C16orf96: variants seen among roughly 807,000 people sequenced by gnomAD.
C16orf96 encodes the protein uncharacterized protein C16orf96.
A neutral mutation model predicts 103.6 loss-of-function variants in C16orf96; 108 were observed. The ratio of observed to expected loss-of-function variants is 1.04; its 90% CI spans 0.89 to 1.22. The LOEUF (loss-of-function observed/expected upper bound fraction) is 1.22. Among genes scored for constraint, C16orf96 ranks in the 50% most tolerant of loss-of-function variants. The probability of loss-of-function intolerance (pLI) is 0.00; values close to 1 mark genes in which losing one functional copy is unlikely to be tolerated. For synonymous variants in C16orf96, 566 were observed against 593.5 expected (o/e 0.95, Z 0.67); for missense variants, 1,586 against 1,464.2 (o/e 1.08, Z -1.36).
Position 4,580,116 on chromosome 16 carries a change from T to C in C16orf96, c.2343T>C (p.Asp781=). 1 of 1,532,780 alleles carries C rather than the reference T, an allele frequency of 6.5e-7. No individual in the cohort carries two copies. Among genetic ancestry groups the C allele is most frequent in the Non-Finnish European group, 8.8e-7 (1 of 1,137,734 alleles). The allele number at this position is 1,532,780 out of a possible 1,614,324, so 94.9% of individuals were successfully genotyped here. A position where few individuals can be genotyped will look rare whatever the true frequency, so the allele number is the denominator to read the frequency against. The part of the protein sequence containing the change: ...KAVENLQIRM[D]EFKTLQAQIK... ...TGGAGAACCTGCAGATTCGCATGGA[T>C]GAGTTCAAGGTTAGGAGGACTGGGT... is the stretch of plus-strand genomic sequence containing the variant. Residue 781 remains aspartate, a synonymous_variant, in exon 7 of 16, where the codon GAT becomes GAC. Coordinates refer to ENST00000444310, the MANE Select transcript of C16orf96 (RefSeq NM_001145011.2).
the C16orf96 span, among the ~76,000 whole-genome samples, chr16:4,543,987 G>A: frequency 6.6e-6 from 1 of 152,064 alleles, no homozygotes; most frequent in Admixed American, 6.6e-5. Flanking sequence ...TGGAGGGGGT[G>A]CAAATTTGAG....
rs1344696055 is a variant in C16orf96 at position 4,576,006 on chromosome 16, C to G, written c.1526C>G (p.Pro509Arg). 2 of 1,551,018 alleles carry G rather than the reference C, an allele frequency of 1.3e-6. No homozygotes were observed. Among genetic ancestry groups the G allele is most frequent in the East Asian group, 4.9e-5 (2 of 40,902 alleles). ...PKDRAHKDDV[P>R]KDRGGKDVDP... is the part of the protein sequence containing the mutation. The stretch of plus-strand genomic sequence containing the variant: ...GATAGAGCTCACAAGGATGATGTCC[C>G]CAAAGATAGAGGTGGCAAGGATGTG... Residue 509 changes from proline to arginine, a missense_variant, in exon 5 of 16, where the codon CCC (proline) becomes CGC (arginine). Pro to Arg is a moderately radical substitution (Grantham distance 103). Transcript: ENST00000444310.
At chr16:4,587,321 C>T (rs563313511) in intron 8 of C16orf96, among the ~76,000 whole-genome samples, 6 of 151,396 alleles carry the variant, frequency 4.0e-5, no homozygotes, top group South Asian at 2.1e-4. Context: ...GTCAGGAATT[C>T]GAGACCAGCC....
chr16:4,588,103 G>A lies in C16orf96; in HGVS notation c.2428-64G>A, dbSNP rs941852906. On this transcript the variant is annotated intron_variant, in intron 8 of 15. Coordinates refer to ENST00000444310, the MANE Select transcript of C16orf96 (RefSeq NM_001145011.2). ...AAGCATCAGACCCAAGGGGTGTGAT[G>A]TCTCCCAGCTTTGCCTTCCTCCATC... 1.1e-5 allele frequency: 16 copies of A among 1,500,386 alleles called. No individual in the cohort carries two copies. In the African/African-American group the frequency reaches 2.1e-4, roughly 20 times the overall value. The allele number at this position is 1,500,386 out of a possible 1,614,324, so 92.9% of individuals were successfully genotyped here. A position where few individuals can be genotyped will look rare whatever the true frequency, so the allele number is the denominator to read the frequency against.
chr16:4,551,150 T>C, the C16orf96 span, among the ~76,000 whole-genome samples: 1 of 152,122 alleles, frequency 6.6e-6, no homozygotes, highest in South Asian at 2.1e-4. Context: ...TGCACACCTA[T>C]GGTTTTAGCT....
chr16:4,574,927 C>T (rs1160569922), intron 3 of C16orf96, 45 bp from the exon 4 acceptor site: 9 of 1,535,646 alleles, frequency 5.9e-6, no homozygotes, highest in Non-Finnish European at 7.9e-6. Flanking sequence ...GGGGACACTG[C>T]CCCCTCCAGG....
the C16orf96 span, among the ~76,000 whole-genome samples, chr16:4,546,358 C>T: frequency 6.6e-6 from 1 of 151,784 alleles, no homozygotes; most frequent in Non-Finnish European, 1.5e-5. Context: ...TGGGGTTTCA[C>T]CGTGTTAGCC....
intron 6 of C16orf96, among the ~76,000 whole-genome samples, chr16:4,579,614 ATTTT>A (rs143473771): frequency 8.5e-6 from 1 of 117,624 alleles, no homozygotes; most frequent in Non-Finnish European, 1.7e-5. Flanking sequence ...CTGATACCTT[ATTTT>A]TTTTTTTTTT....
chr16:4,577,155 C>A (rs560151051), intron 5 of C16orf96, among the ~76,000 whole-genome samples: 1 of 151,896 alleles, frequency 6.6e-6, no homozygotes, highest in Non-Finnish European at 1.5e-5. Flanking sequence ...CATGCCATTG[C>A]GCTCCAGCCT....
intron 9 of C16orf96, 141 bp from the exon 10 acceptor site, chr16:4,591,525 C>A: frequency 1.5e-6 from 1 of 673,336 alleles, no homozygotes. Flanking sequence ...TGTCATTTTC[C>A]CTTTCCTGGA....
the C16orf96 span, among the ~76,000 whole-genome samples, chr16:4,539,924 A>G: frequency 2.6e-5 from 4 of 151,902 alleles, no homozygotes; most frequent in Non-Finnish European, 4.4e-5. Flanking sequence ...CTCCCACCCC[A>G]CCAATCAGCA....
the C16orf96 span, among the ~76,000 whole-genome samples, chr16:4,544,085 T>C: frequency 6.6e-6 from 1 of 151,872 alleles, no homozygotes; most frequent in Non-Finnish European, 1.5e-5. Flanking sequence ...ATAGAGGGGG[T>C]AGGGCCTAGG....
In C16orf96 at chr16:4,600,193, T is replaced by TGCC; in HGVS notation, c.3303_3305dup (p.Pro1103dup). On this transcript the variant is annotated inframe_insertion, in exon 16 of 16. Transcript: ENST00000444310. ...CCTTCCCTGCCACCTCTGCTGCTGC[T>TGCC]GCCACCGCTGATTCCATCCCTAAGG... The TGCC allele has an allele frequency of 1.3e-5, 20 of 1,551,532 alleles. No homozygotes were observed. The highest frequency in any genetic ancestry group is 1.7e-5 in the Non-Finnish European group (19 of 1,146,938).
At chr16:4,583,724 A>T (rs1024137985) in intron 7 of C16orf96, among the ~76,000 whole-genome samples, 1 of 152,002 alleles carries the variant, frequency 6.6e-6, no homozygotes, top group Non-Finnish European at 1.5e-5. Context: ...GGAGTTTGAA[A>T]CCAGTCTGGC....
In C16orf96 at chr16:4,600,497, C is replaced by CCA; in HGVS notation, c.*181_*182dup. On this transcript the variant is annotated 3_prime_UTR_variant, in exon 16 of 16. Coordinates refer to ENST00000444310, the MANE Select transcript of C16orf96 (RefSeq NM_001145011.2). ...GAGGCTGAGGCTCATGCGCCCCCCC[C>CCA]CATCCCTACCAAGTCCCCTCCACGT... 2.1e-6 allele frequency: 1 copy of CCA among 484,854 alleles called. No homozygotes were observed. Among genetic ancestry groups the CCA allele is most frequent in the South Asian group, 2.2e-5 (1 of 45,982 alleles). 30.0% of individuals were successfully genotyped at this position (484,854 alleles called of 1,614,324 possible).
the C16orf96 span, among the ~76,000 whole-genome samples, chr16:4,543,853 G>T: frequency 7.9e-5 from 12 of 152,144 alleles, no homozygotes; most frequent in Admixed American, 1.3e-4. Flanking sequence ...TGTTGGCCAG[G>T]CTGGTCTCAA....
intron 1 of C16orf96, among the ~76,000 whole-genome samples, chr16:4,563,963 C>T (rs1178415145): frequency 4.0e-5 from 6 of 150,016 alleles, no homozygotes; most frequent in Non-Finnish European, 5.9e-5. Flanking sequence ...TTTCGGAGGC[C>T]GAAGTGGGCG....
rs1366000304 is a variant in C16orf96 at position 4,581,136 on chromosome 16, GTATACA to G, written c.2352+1016_2352+1021del. ...CAAAACTCTGTCTAAAAATATATAT[GTATACA>G]TATATATATATATATATATATATAT... On this transcript the variant is annotated intron_variant, in intron 7 of 15. Coordinates refer to ENST00000444310, the MANE Select transcript of C16orf96 (RefSeq NM_001145011.2). Among the ~76,000 whole-genome samples, 31 of 40,794 alleles carry G rather than the reference GTATACA, an allele frequency of 7.6e-4. 1 individual carries two copies. Among genetic ancestry groups the G allele is most frequent in the African/African-American group, 2.1e-3 (31 of 15,036 alleles). 26.8% of individuals were successfully genotyped at this position (40,794 alleles called of 152,430 possible).
the C16orf96 span, among the ~76,000 whole-genome samples, chr16:4,540,016 T>C: frequency 1.3e-5 from 2 of 152,206 alleles, no homozygotes; most frequent in Non-Finnish European, 2.9e-5. Context: ...CTGATTTGAG[T>C]AATGAAACTT....
Sources: gnomAD v4.1 joint callset for allele counts (sites outside exome capture counted in the v4.1 genomes callset) on GRCh38, gnomAD v4.1.1 for gene constraint, MANE v1.5 for transcripts, NCBI Gene and HGNC (gene_info 2026-07-23, HGNC 2026-07-21) for gene names.